Variants in GALNT2 observed in about 807,000 individuals in gnomAD.
GALNT2 encodes polypeptide N-acetylgalactosaminyltransferase 2, also known as UDP-GalNAc:polypeptide N-acetylgalactosaminyltransferase 2.
GALNT2 carries 31 observed loss-of-function variants against 81.4 expected under a neutral mutation model. The ratio of observed to expected loss-of-function variants is 0.38; its 90% CI spans 0.29 to 0.51. The LOEUF is 0.51. Ranked by LOEUF, GALNT2 falls within the 20% of genes least tolerant of loss-of-function variation. The pLI is 0.87. For missense variants in GALNT2, 629 were observed against 765.7 expected, an observed-to-expected ratio of 0.82 and a Z score of 2.11; for synonymous variants, 303 against 287.4, an observed-to-expected ratio of 1.05 and a Z score of -0.55.
chr1:230,092,547 T>C (rs886252040), intron 1 of GALNT2, among the ~76,000 whole-genome samples: 25 of 152,102 alleles, frequency 1.6e-4, no homozygotes, highest in African/African-American at 5.3e-4. Flanking sequence ...TTTCACCATG[T>C]TGGCCAGGCT....
At chr1:230,168,884 CTTGTGTTCT>C (rs1369692074) in intron 1 of GALNT2, among the ~76,000 whole-genome samples, 3 of 152,166 alleles carry the variant, frequency 2.0e-5, no homozygotes, top group Non-Finnish European at 4.4e-5. Context: ...ACAACATCCC[CTTGTGTTCT>C]TTTTCTGTTT....
chr1:230,062,261 T>C (rs1467715164), upstream of GALNT2, among the ~76,000 whole-genome samples: 1 of 152,236 alleles, frequency 6.6e-6, no homozygotes, highest in African/African-American at 2.4e-5. Flanking sequence ...TTTGGGGTTT[T>C]TCCTTAATGT....
At chr1:230,108,196 A>G (rs1211192853) in intron 1 of GALNT2, among the ~76,000 whole-genome samples, 1 of 152,236 alleles carries the variant, frequency 6.6e-6, no homozygotes, top group Non-Finnish European at 1.5e-5. Flanking sequence ...GAAAGAGCAC[A>G]GTCCTGAAAG....
At chr1:230,253,798 A>G (rs1665622651) in intron 10 of GALNT2, among the ~76,000 whole-genome samples, 1 of 152,080 alleles carries the variant, frequency 6.6e-6, no homozygotes, top group Non-Finnish European at 1.5e-5. Flanking sequence ...TCTAGCTATA[A>G]TTTTGTATCC....
At chr1:230,089,731 T>G (rs1289080040) in intron 1 of GALNT2, among the ~76,000 whole-genome samples, 1 of 152,240 alleles carries the variant, frequency 6.6e-6, no homozygotes, top group Admixed American at 6.5e-5. Context: ...CCATGTAGCA[T>G]GTGACAGGAT....
intron 14 of GALNT2, among the ~76,000 whole-genome samples, chr1:230,265,864 A>G (rs902400521): frequency 5.3e-5 from 8 of 152,214 alleles, no homozygotes; most frequent in Admixed American, 3.3e-4. Context: ...AATTGCTTCC[A>G]TTGCACACAT....
intron 1 of GALNT2, among the ~76,000 whole-genome samples, chr1:230,154,595 C>T (rs1662191301): frequency 6.6e-6 from 1 of 152,156 alleles, no homozygotes; most frequent in Non-Finnish European, 1.5e-5. Flanking sequence ...TGGTCGTCAG[C>T]ATGGGCTCTA....
chr1:230,189,764 T>G (rs904835473), intron 2 of GALNT2, among the ~76,000 whole-genome samples: 3 of 152,230 alleles, frequency 2.0e-5, no homozygotes, highest in African/African-American at 7.2e-5. Flanking sequence ...TAGAGCTGTT[T>G]TCATCTTGCA....
Position 230,190,351 on chromosome 1 carries a change from G to C in GALNT2, c.220+12040G>C, listed in dbSNP as rs11122462. On this transcript the variant is annotated intron_variant, in intron 2 of 15. Coordinates refer to ENST00000366672, the MANE Select transcript of GALNT2 (RefSeq NM_004481.5). ...AGACGAAGGGGTCTCCTCTGCATGG[G>C]ATGCGCCAAGACCCACGCACTTGAA... Among the ~76,000 whole-genome samples the C allele has an allele frequency of 3.4e-3, 515 of 152,346 alleles. 3 individuals are homozygous for C. Among genetic ancestry groups the C allele is most frequent in the African/African-American group, 0.011 (477 of 41,574 alleles).
At chr1:230,095,147 C>T (rs12563322) in intron 1 of GALNT2, among the ~76,000 whole-genome samples, 1 of 152,012 alleles carries the variant, frequency 6.6e-6, no homozygotes, top group African/African-American at 2.4e-5. Context: ...CTGACCCCAA[C>T]AAGCAGGGAG....
At chr1:230,161,165 C>A (rs1050099091) in intron 1 of GALNT2, among the ~76,000 whole-genome samples, 1 of 152,180 alleles carries the variant, frequency 6.6e-6, no homozygotes, top group African/African-American at 2.4e-5. Flanking sequence ...TGCTAACTTC[C>A]CCAGGGCTCA....
intron 10 of GALNT2, among the ~76,000 whole-genome samples, chr1:230,252,258 G>C (rs111546687): frequency 1.4e-4 from 21 of 152,308 alleles, no homozygotes; most frequent in African/African-American, 4.8e-4. Flanking sequence ...ATTGGGAGAG[G>C]TGTATGGTGC....
At chr1:230,255,801 G>A (rs941000766) in intron 11 of GALNT2, among the ~76,000 whole-genome samples, 2 of 152,176 alleles carry the variant, frequency 1.3e-5, no homozygotes, top group African/African-American at 2.4e-5. Flanking sequence ...AATGTTATGG[G>A]AAAATTTTTT....
At chr1:230,198,421 G>A (rs1663777269) in intron 2 of GALNT2, among the ~76,000 whole-genome samples, 1 of 142,702 alleles carries the variant, frequency 7.0e-6, no homozygotes, top group Non-Finnish European at 1.5e-5. Flanking sequence ...AGAGTACGAG[G>A]AGTGGCAGGG....
At chr1:230,089,818 A>T (rs1469814822) in intron 1 of GALNT2, among the ~76,000 whole-genome samples, 2 of 152,214 alleles carry the variant, frequency 1.3e-5, no homozygotes, top group Non-Finnish European at 2.9e-5. Flanking sequence ...CGCTGCTAAC[A>T]CGTGCAACAC....
At chr1:230,085,853 TGTA>T (rs1254867863) in intron 1 of GALNT2, among the ~76,000 whole-genome samples, 3 of 152,208 alleles carry the variant, frequency 2.0e-5, no homozygotes, top group Non-Finnish European at 4.4e-5. Context: ...TGACTTCTGG[TGTA>T]GACGTTGGGG....
At position 230,149,106 on chromosome 1, in the gene GALNT2, C is replaced by T. The variant is rs566816166; in HGVS notation, c.127-29112C>T. On this transcript the variant is annotated intron_variant, in intron 1 of 15. Transcript: ENST00000366672. ...ATATTGCCCAGGCTGGTCTCGAACTCCTGGGCTCAGGCAGTCCACCTGCCT... is the reference window on the plus strand; with the variant it reads ...ATATTGCCCAGGCTGGTCTCGAACTTCTGGGCTCAGGCAGTCCACCTGCCT... 1.4e-4 allele frequency among the ~76,000 whole-genome samples: 22 copies of T among 152,320 alleles called. No homozygotes were observed. In the South Asian group the frequency reaches 4.3e-3, roughly 30 times the overall value.
At chr1:230,090,470 T>C (rs1660037713) in intron 1 of GALNT2, among the ~76,000 whole-genome samples, 1 of 151,970 alleles carries the variant, frequency 6.6e-6, no homozygotes, top group South Asian at 2.1e-4. Context: ...CCAGAACTGG[T>C]GTCCTGCTGT....
At chr1:230,183,136 A>T (rs1663212918) in intron 2 of GALNT2, among the ~76,000 whole-genome samples, 1 of 152,132 alleles carries the variant, frequency 6.6e-6, no homozygotes. Context: ...GCCATTCTTT[A>T]TCATTTTACT....
Sources: gnomAD v4.1 joint callset for allele counts (sites outside exome capture counted in the v4.1 genomes callset) on GRCh38, gnomAD v4.1.1 for gene constraint, MANE v1.5 for transcripts, NCBI Gene and HGNC (gene_info 2026-07-23, HGNC 2026-07-21) for gene names.